TMEM161B: variants seen among roughly 807,000 people sequenced by gnomAD.
TMEM161B encodes the protein transmembrane protein 161B.
Under a neutral mutation model 61.8 loss-of-function variants are expected in TMEM161B, and 34 were observed. The observed-to-expected ratio is 0.55, with a 90% CI of 0.42 to 0.73. TMEM161B has a LOEUF of 0.73. TMEM161B is among the 30% of genes least tolerant of loss of function. The pLI is 0.00. For synonymous variants in TMEM161B, 167 were observed against 192.8 expected (o/e 0.87, Z 1.11); for missense variants, 456 against 558.5 (o/e 0.82, Z 1.85).
At chr5:88,198,911 A>ATT (rs879145931) in intron 10 of TMEM161B, 65 bp downstream of exon 10, 1,729 of 1,230,106 alleles carry the variant, frequency 1.4e-3, no homozygotes, top group Middle Eastern at 3.2e-3. Flanking sequence ...AAGGAAACCA[A>ATT]TTTTTTTTTT....
chr5:88,236,703 C>T (rs1280266497), intron 2 of TMEM161B, among the ~76,000 whole-genome samples: 1 of 152,110 alleles, frequency 6.6e-6, no homozygotes, highest in Non-Finnish European at 1.5e-5. Flanking sequence ...TAATACTTAG[C>T]ATGCTTTTGG....
At chr5:88,188,664 A>G (rs1263722273), downstream of TMEM161B, among the ~76,000 whole-genome samples, 1 of 152,150 alleles carries the variant, frequency 6.6e-6, no homozygotes, top group East Asian at 1.9e-4. Context: ...ACACTGGATT[A>G]AAGAAGGAAG....
In TMEM161B at chr5:88,195,373, T is replaced by C; in HGVS notation, c.*838A>G. 1.4e-6 allele frequency: 1 copy of C among 710,660 alleles called. No homozygotes were observed. The highest frequency in any genetic ancestry group is 1.7e-6 in the Non-Finnish European group (1 of 582,018). The allele number at this position is 710,660 out of a possible 1,614,324, so 44.0% of individuals were successfully genotyped here. A position where few individuals can be genotyped will look rare whatever the true frequency, so the allele number is the denominator to read the frequency against. On this transcript the variant is annotated 3_prime_UTR_variant, in exon 12 of 12. Coordinates refer to ENST00000296595, the MANE Select transcript of TMEM161B (RefSeq NM_153354.5). ...CTCAATATATTATATATTTAATATATAATATATATACAATACATACAGGTA... is the reference window on the plus strand; with the variant it reads ...CTCAATATATTATATATTTAATATACAATATATATACAATACATACAGGTA...
exon 13 of TMEM161B, chr5:88,189,747 C>T (rs1181145024): frequency 8.2e-6 from 2 of 244,576 alleles, no homozygotes; most frequent in Admixed American, 5.2e-5. Context: ...GGGAGGGGGC[C>T]TATGATATAG....
intron 3 of TMEM161B, among the ~76,000 whole-genome samples, chr5:88,226,360 A>T (rs901277897): frequency 6.6e-6 from 1 of 152,234 alleles, no homozygotes; most frequent in African/African-American, 2.4e-5. Context: ...TTTTACTAAA[A>T]ATCACAGATG....
At position 88,214,044 on chromosome 5, in the gene TMEM161B, GTTGT is replaced by G. The variant is rs567680804; in HGVS notation, c.446+6515_446+6518del. Among the ~76,000 whole-genome samples, 605 of 152,226 alleles carry G rather than the reference GTTGT, an allele frequency of 4.0e-3. 5 individuals carry two copies. The highest frequency in any genetic ancestry group is 6.8e-3 in the Middle Eastern group (2 of 294). On this transcript the variant is annotated intron_variant, in intron 5 of 11. Coordinates refer to ENST00000296595, the MANE Select transcript of TMEM161B (RefSeq NM_153354.5). ...GACTAAGTTGTACTAGTTTGTTGTAGTTGTTTATTTCCCACAGCAAATAAAAACA... is the reference window on the plus strand; with the variant it reads ...GACTAAGTTGTACTAGTTTGTTGTAGTTATTTCCCACAGCAAATAAAAACA...
At chr5:88,219,957 GA>G (rs1280084280) in intron 5 of TMEM161B, among the ~76,000 whole-genome samples, 2 of 151,268 alleles carry the variant, frequency 1.3e-5, no homozygotes, top group Non-Finnish European at 2.9e-5. Flanking sequence ...TGGAAGTTTA[GA>G]AAACTGAGGG....
downstream of TMEM161B, chr5:88,190,266 C>T (rs759870072): frequency 9.4e-5 from 66 of 700,426 alleles, no homozygotes; most frequent in Admixed American, 2.4e-4. Flanking sequence ...ATTATGCTGT[C>T]GGCAGGTAAC....
chr5:88,259,827 G>A (rs536043259), intron 1 of TMEM161B, among the ~76,000 whole-genome samples: 5 of 152,268 alleles, frequency 3.3e-5, no homozygotes, highest in Non-Finnish European at 5.9e-5. Context: ...GATTTCTATA[G>A]GAAAATGTTT....
At position 88,244,663 on chromosome 5, in the gene TMEM161B, T is replaced by C. The variant is rs560604505; in HGVS notation, c.4-3747A>G. ...CCATATGAATTTTAAAATAGTTTTT[T>C]CTAATTCTGTGAAGAATGTCATTGG... is the stretch of plus-strand genomic sequence containing the variant. On this transcript the variant is annotated intron_variant, in intron 1 of 11. Coordinates refer to ENST00000296595, the MANE Select transcript of TMEM161B (RefSeq NM_153354.5). 4.0e-5 allele frequency among the ~76,000 whole-genome samples: 6 copies of C among 151,768 alleles called. No individual in the cohort carries two copies. The South Asian group carries it at 1.3e-3, about 32-fold the overall frequency.
At chr5:88,268,589 T>A in intron 1 of TMEM161B, 132 bp downstream of exon 1, 1 of 1,261,876 alleles carries the variant, frequency 7.9e-7, no homozygotes, top group Middle Eastern at 1.9e-4. Flanking sequence ...AGGTGGTGGG[T>A]CCTACCCAGC....
Position 88,268,725 on chromosome 5 carries a change from G to C in TMEM161B, c.-2C>G. 1 of 1,614,106 alleles carries C rather than the reference G, an allele frequency of 6.2e-7. No individual in the cohort carries two copies. The highest frequency in any genetic ancestry group is 8.5e-7 in the Non-Finnish European group (1 of 1,180,002). On this transcript the variant is annotated 5_prime_UTR_variant, in exon 1 of 12. Coordinates refer to ENST00000296595, the MANE Select transcript of TMEM161B (RefSeq NM_153354.5). Reference sequence around the variant, plus strand: ...TGCCCTCACAGAAGAACTCACCATGGCGCCTAGGATAGGTCGTGGACCAGA... The same window carrying C: ...TGCCCTCACAGAAGAACTCACCATGCCGCCTAGGATAGGTCGTGGACCAGA...
At chr5:88,211,446 A>C (rs1746738220) in intron 5 of TMEM161B, among the ~76,000 whole-genome samples, 1 of 151,684 alleles carries the variant, frequency 6.6e-6, no homozygotes, top group African/African-American at 2.4e-5. Flanking sequence ...TCCATCAAGC[A>C]GAACAAAAAG....
At chr5:88,223,715 G>A (rs1207513004) in intron 4 of TMEM161B, among the ~76,000 whole-genome samples, 1 of 151,864 alleles carries the variant, frequency 6.6e-6, no homozygotes, top group African/African-American at 2.4e-5. Context: ...GTGAAACCCC[G>A]TCTCCACTAA....
intron 2 of TMEM161B, among the ~76,000 whole-genome samples, chr5:88,239,590 G>T (rs1385579846): frequency 6.6e-6 from 1 of 151,752 alleles, no homozygotes; most frequent in African/African-American, 2.4e-5. Context: ...TATTTATTTT[G>T]TTCCTCAAAA....
At chr5:88,214,196 T>C (rs981677201) in intron 5 of TMEM161B, among the ~76,000 whole-genome samples, 2 of 152,180 alleles carry the variant, frequency 1.3e-5, no homozygotes, top group Admixed American at 6.5e-5. Flanking sequence ...TTTGTATGCC[T>C]GGCAACGAAA....
Position 88,236,208 on chromosome 5 carries a change from T to C in TMEM161B, c.107+4605A>G, listed in dbSNP as rs191087817. On this transcript the variant is annotated intron_variant, in intron 2 of 11. Coordinates refer to ENST00000296595, the MANE Select transcript of TMEM161B (RefSeq NM_153354.5). Reference sequence around the variant, plus strand: ...AAAATCAGAATAAATCTGACCATAATATATTTTCAGTGAGGGACTTATGAA... The same window carrying C: ...AAAATCAGAATAAATCTGACCATAACATATTTTCAGTGAGGGACTTATGAA... Among the ~76,000 whole-genome samples the C allele has an allele frequency of 1.6e-3, 236 of 152,222 alleles. 1 individual carries two copies. The highest frequency in any genetic ancestry group is 3.9e-3 in the Admixed American group (60 of 15,284).
chr5:88,219,400 G>A (rs1748502931), intron 5 of TMEM161B, among the ~76,000 whole-genome samples: 1 of 152,142 alleles, frequency 6.6e-6, no homozygotes, highest in South Asian at 2.1e-4. Flanking sequence ...GCATGAAACA[G>A]AGAAGAGCAA....
chr5:88,240,988 G>T, intron 1 of TMEM161B, 72 bp from the exon 2 acceptor site: 2 of 1,039,432 alleles, frequency 1.9e-6, no homozygotes, highest in Non-Finnish European at 2.7e-6. Flanking sequence ...AAAACTTTCT[G>T]TACATTTTGA....
Sources: gnomAD v4.1 joint callset for allele counts (sites outside exome capture counted in the v4.1 genomes callset) on GRCh38, gnomAD v4.1.1 for gene constraint, MANE v1.5 for transcripts, NCBI Gene and HGNC (gene_info 2026-07-23, HGNC 2026-07-21) for gene names.